The following MALRD1 variants were observed in gnomAD, a reference collection of about 807,000 sequenced individuals.
MALRD1 encodes MAM and LDL-receptor class A domain-containing protein 1.
Under a neutral mutation model 242.1 loss-of-function variants are expected in MALRD1, and 247 were observed. The observed-to-expected ratio is 1.02, with a 90% CI of 0.92 to 1.13. The LOEUF (loss-of-function observed/expected upper bound fraction) is 1.13, where lower values mean the gene tolerates loss of function less well. Ranked by LOEUF, MALRD1 falls within the 50% of genes most tolerant of loss-of-function variation. MALRD1 has a pLI of 0.00. For missense variants in MALRD1, 2,989 were observed against 2,533.1 expected, an observed-to-expected ratio of 1.18 and a Z score of -3.86; for synonymous variants, 995 against 866.6, an observed-to-expected ratio of 1.15 and a Z score of -2.60.
At chr10:19,626,090 G>A (rs560661726) in intron 36 of MALRD1, among the ~76,000 whole-genome samples, 1 of 152,116 alleles carries the variant, frequency 6.6e-6, no homozygotes, top group Non-Finnish European at 1.5e-5. Flanking sequence ...GCAGGGTGGT[G>A]CATTATTTTC....
intron 28 of MALRD1, among the ~76,000 whole-genome samples, chr10:19,409,939 G>A (rs1833204239): frequency 6.6e-6 from 1 of 152,016 alleles, no homozygotes; most frequent in Non-Finnish European, 1.5e-5. Context: ...GGGGTGCATA[G>A]TGATATTTTG....
At chr10:19,521,424 G>A (rs1458437109) in intron 31 of MALRD1, among the ~76,000 whole-genome samples, 1 of 151,994 alleles carries the variant, frequency 6.6e-6, no homozygotes, top group Non-Finnish European at 1.5e-5. Context: ...ACTTAGTCTA[G>A]ATTCTCTTCT....
intron 26 of MALRD1, among the ~76,000 whole-genome samples, chr10:19,375,349 A>G (rs1429428563): frequency 6.6e-6 from 1 of 152,214 alleles, no homozygotes; most frequent in Non-Finnish European, 1.5e-5. Context: ...GTATACCCAG[A>G]TATAAGATAG....
intron 26 of MALRD1, among the ~76,000 whole-genome samples, chr10:19,385,308 G>T (rs566981839): frequency 6.6e-6 from 1 of 152,028 alleles, no homozygotes; most frequent in Admixed American, 6.6e-5. Flanking sequence ...GGAAGAGTTT[G>T]AGAAGGATTA....
At chr10:19,478,602 T>C (rs1219960446) in intron 29 of MALRD1, among the ~76,000 whole-genome samples, 2 of 151,556 alleles carry the variant, frequency 1.3e-5, no homozygotes, top group Non-Finnish European at 2.9e-5. Context: ...TCCTTGCAAT[T>C]TTATATCTCG....
At chr10:19,065,352 G>T (rs1283431137) in intron 1 of MALRD1, among the ~76,000 whole-genome samples, 1 of 143,988 alleles carries the variant, frequency 6.9e-6, no homozygotes, top group Non-Finnish European at 1.5e-5. Flanking sequence ...AAGAAAGAAA[G>T]AAATCTCTAG....
intron 23 of MALRD1, 46 bp downstream of exon 23, chr10:19,327,719 T>C (rs1843197578): frequency 7.8e-6 from 11 of 1,405,274 alleles, no homozygotes; most frequent in African/African-American, 4.3e-5. Context: ...CTGCTGATTT[T>C]TTTCATCCTC....
At chr10:19,517,882 C>T (rs966488480) in intron 31 of MALRD1, among the ~76,000 whole-genome samples, 1 of 152,132 alleles carries the variant, frequency 6.6e-6, no homozygotes, top group African/African-American at 2.4e-5. Context: ...AGGTTTCCTC[C>T]ACATCCCACT....
intron 21 of MALRD1, among the ~76,000 whole-genome samples, chr10:19,306,244 T>C (rs1184636777): frequency 1.6e-5 from 2 of 128,466 alleles, no homozygotes; most frequent in African/African-American, 5.6e-5. Flanking sequence ...ATACTATATA[T>C]ACTATACTAT....
At chr10:19,105,308 G>T (rs1460061141) in intron 5 of MALRD1, among the ~76,000 whole-genome samples, 1 of 151,746 alleles carries the variant, frequency 6.6e-6, no homozygotes, top group Non-Finnish European at 1.5e-5. Context: ...ATATATTCCA[G>T]ATTCATCCAT....
intron 14 of MALRD1, among the ~76,000 whole-genome samples, chr10:19,200,778 C>T (rs562633411): frequency 7.8e-4 from 118 of 151,342 alleles, no homozygotes; most frequent in Non-Finnish European, 1.3e-3. Context: ...GCCTTTTCTC[C>T]AGGGGCAACT....
chr10:19,699,766 G>C (rs1267222531), intron 38 of MALRD1, among the ~76,000 whole-genome samples: 1 of 151,956 alleles, frequency 6.6e-6, no homozygotes, highest in African/African-American at 2.4e-5. Flanking sequence ...GCAGGAGAGA[G>C]AGAGTAGGGG....
intron 31 of MALRD1, among the ~76,000 whole-genome samples, chr10:19,515,196 T>C (rs1300716958): frequency 1.3e-5 from 2 of 152,168 alleles, no homozygotes; most frequent in Admixed American, 6.5e-5. Flanking sequence ...TAGAATGGTT[T>C]TTCTAATTAT....
chr10:19,086,420 G>A (rs143294826), intron 2 of MALRD1, among the ~76,000 whole-genome samples: 3 of 152,102 alleles, frequency 2.0e-5, no homozygotes, highest in Admixed American at 2.0e-4. Context: ...AGAAAACAAT[G>A]GTTCTCAGAT....
chr10:19,227,998 G>A (rs1299434544), intron 18 of MALRD1, among the ~76,000 whole-genome samples: 3 of 152,162 alleles, frequency 2.0e-5, no homozygotes, highest in African/African-American at 7.2e-5. Context: ...TTCACACCTG[G>A]CTAGTGGGAC....
chr10:19,355,858 T>TATATATATA (rs57813656), intron 26 of MALRD1, among the ~76,000 whole-genome samples: 7,656 of 94,784 alleles, frequency 0.081, 824 homozygotes, highest in African/African-American at 0.094. Context: ...TATATATATA[T>TATATATATA]TATATATGAT....
At chr10:19,704,706 C>G (rs1213823638) in intron 38 of MALRD1, among the ~76,000 whole-genome samples, 1 of 152,190 alleles carries the variant, frequency 6.6e-6, no homozygotes, top group African/African-American at 2.4e-5. Flanking sequence ...ATAATACCCT[C>G]ACTTTCTGGT....
intron 36 of MALRD1, among the ~76,000 whole-genome samples, chr10:19,662,630 T>C (rs1327418442): frequency 6.6e-6 from 1 of 152,188 alleles, no homozygotes; most frequent in Non-Finnish European, 1.5e-5. Flanking sequence ...CATCCAATTA[T>C]TCAAGGAAAG....
rs1464610105 is a variant in MALRD1 at position 19,280,014 on chromosome 10, C to T, written c.3080-33C>T. The T allele has an allele frequency of 2.0e-5, 29 of 1,425,670 alleles. 1 individual carries two copies. In the East Asian group the frequency reaches 7.3e-4, roughly 36 times the overall value. The allele number at this position is 1,425,670 out of a possible 1,614,324, so 88.3% of individuals were successfully genotyped here. A position where few individuals can be genotyped will look rare whatever the true frequency, so the allele number is the denominator to read the frequency against. Reference sequence around the variant, plus strand: ...AAGCAGTAGAAAACCAGAAAACCTGCTAAATGATGCCTGTATATTATTTCT... The same window carrying T: ...AAGCAGTAGAAAACCAGAAAACCTGTTAAATGATGCCTGTATATTATTTCT... On this transcript the variant is annotated intron_variant, in intron 19 of 39. Coordinates refer to ENST00000454679, the MANE Select transcript of MALRD1 (RefSeq NM_001142308.3).
Sources: allele counts gnomAD v4.1 joint callset (sites outside exome capture counted in the v4.1 genomes callset), GRCh38; gene constraint gnomAD v4.1.1; transcripts MANE v1.5; gene names NCBI Gene and HGNC (gene_info 2026-07-23, HGNC 2026-07-21).